The following PLCG2 variants were observed in gnomAD, a reference collection of about 807,000 sequenced individuals.
PLCG2 encodes the protein phospholipase C gamma 2.
Under a neutral mutation model 175.6 loss-of-function variants are expected in PLCG2, and 69 were observed. The observed-to-expected ratio is 0.39, with a 90% CI of 0.32 to 0.48. The LOEUF (loss-of-function observed/expected upper bound fraction) is 0.48. PLCG2 is among the 20% of genes least tolerant of loss of function. The pLI is 0.91. For missense variants in PLCG2, 1,798 were observed against 1,650.9 expected (o/e 1.09, Z -1.54); for synonymous variants, 827 against 624.0 (o/e 1.33, Z -4.85).
chr16:81,749,834 A>T (rs1400793589), intron 1 of PLCG2, among the ~76,000 whole-genome samples: 1 of 152,214 alleles, frequency 6.6e-6, no homozygotes, highest in Non-Finnish European at 1.5e-5. Context: ...ATGTCCAAAG[A>T]TGCATTGCTT....
At chr16:81,791,633 C>T (rs1378184184) in intron 2 of PLCG2, among the ~76,000 whole-genome samples, 4 of 152,200 alleles carry the variant, frequency 2.6e-5, no homozygotes, top group Admixed American at 1.3e-4. Context: ...GGTGCAGCCT[C>T]GGCTCACTGC....
intron 11 of PLCG2, 106 bp from the exon 12 acceptor site, chr16:81,893,603 G>C: frequency 1.4e-6 from 1 of 710,058 alleles, no homozygotes; most frequent in Non-Finnish European, 2.5e-6. Context: ...TCAGAGCTTT[G>C]GCGGCTCGGG....
Position 81,780,854 on chromosome 16 carries a change from C to T in PLCG2, c.-48+1430C>T, listed in dbSNP as rs113862797. Among the ~76,000 whole-genome samples the T allele has an allele frequency of 3.9e-5, 6 of 152,186 alleles. No homozygotes were observed. In the South Asian group the frequency reaches 1.2e-3, roughly 32 times the overall value. On this transcript the variant is annotated intron_variant, in intron 1 of 32. Transcript: ENST00000564138. ...CCAGCCTCACCAACATGGTGAAACC[C>T]CATCTCTACTAAAACTACAAAAATT... is the stretch of plus-strand genomic sequence containing the variant.
chr16:81,754,244 C>G (rs898148147), intron 1 of PLCG2, among the ~76,000 whole-genome samples: 6 of 150,252 alleles, frequency 4.0e-5, no homozygotes, highest in African/African-American at 1.5e-4. Flanking sequence ...TCCACCCATC[C>G]CCACCTCCTT....
At chr16:81,926,145 G>C (rs114459690) in intron 22 of PLCG2, among the ~76,000 whole-genome samples, 56 of 152,316 alleles carry the variant, frequency 3.7e-4, no homozygotes, top group African/African-American at 1.3e-3. Flanking sequence ...AGGCAGCATG[G>C]CAGGGGCATG....
chr16:81,868,288 C>G (rs1411254651), intron 5 of PLCG2, among the ~76,000 whole-genome samples: 1 of 150,708 alleles, frequency 6.6e-6, no homozygotes, highest in Non-Finnish European at 1.5e-5. Context: ...CTCATGTAGG[C>G]CTTGTTCCTT....
At chr16:81,907,864 T>G in intron 16 of PLCG2, 90 bp downstream of exon 16, 1 of 871,920 alleles carries the variant, frequency 1.1e-6, no homozygotes, top group Non-Finnish European at 1.9e-6. Flanking sequence ...ATGTGGCTTC[T>G]CTGGCCGGCT....
chr16:81,802,878 A>G (rs924435920), intron 2 of PLCG2, among the ~76,000 whole-genome samples: 19 of 152,196 alleles, frequency 1.2e-4, no homozygotes, highest in African/African-American at 4.1e-4. Flanking sequence ...AACATTGTAT[A>G]CCCTATAATG....
intron 2 of PLCG2, among the ~76,000 whole-genome samples, chr16:81,797,532 C>A (rs904894304): frequency 6.6e-6 from 1 of 152,228 alleles, no homozygotes; most frequent in Non-Finnish European, 1.5e-5. Flanking sequence ...GCCAGGGACC[C>A]TGTCTGTTCT....
chr16:81,748,129 C>T (rs1464839316), intron 1 of PLCG2, among the ~76,000 whole-genome samples: 2 of 152,212 alleles, frequency 1.3e-5, no homozygotes, highest in African/African-American at 4.8e-5. Context: ...CCCACCTCGA[C>T]CTCCCAAAGT....
intron 30 of PLCG2, among the ~76,000 whole-genome samples, chr16:81,942,728 C>T (rs745880344): frequency 6.6e-6 from 1 of 152,180 alleles, no homozygotes; most frequent in Non-Finnish European, 1.5e-5. Flanking sequence ...CTCAAGGTCA[C>T]ACACCTGTAG....
upstream of PLCG2, among the ~76,000 whole-genome samples, chr16:81,779,077 C>G: frequency 6.6e-6 from 1 of 152,244 alleles, no homozygotes. Flanking sequence ...GTAGCCTCCC[C>G]TCGGGTTGCC....
In PLCG2 at chr16:81,858,436, G is replaced by C. The variant is rs1247487862; in HGVS notation, c.431+80G>C. On this transcript the variant is annotated intron_variant, in intron 4 of 32. Coordinates refer to ENST00000564138, the MANE Select transcript of PLCG2 (RefSeq NM_002661.5). Reference sequence around the variant, plus strand: ...CCTTTAGCCAACATGGGCTACAGGGGGGAAAAAAAAAAAAAGGGACATTGG... The same window carrying C: ...CCTTTAGCCAACATGGGCTACAGGGCGGAAAAAAAAAAAAAGGGACATTGG... 16 of 975,992 alleles carry C rather than the reference G, an allele frequency of 1.6e-5. 1 individual carries two copies. Among genetic ancestry groups the C allele is most frequent in the Non-Finnish European group, 2.6e-5 (16 of 613,932 alleles). 60.5% of individuals were successfully genotyped at this position (975,992 alleles called of 1,614,324 possible).
chr16:81,861,996 G>C (rs1299404550), intron 5 of PLCG2, among the ~76,000 whole-genome samples: 1 of 152,222 alleles, frequency 6.6e-6, no homozygotes, highest in Non-Finnish European at 1.5e-5. Context: ...CCAGTGGGCA[G>C]AGCCCTGCTC....
At chr16:81,788,205 C>T (rs146540526) in intron 2 of PLCG2, among the ~76,000 whole-genome samples, 1 of 152,210 alleles carries the variant, frequency 6.6e-6, no homozygotes, top group East Asian at 1.9e-4. Flanking sequence ...GTGATCGTTG[C>T]ATTATTCTTC....
intron 5 of PLCG2, among the ~76,000 whole-genome samples, chr16:81,867,914 T>C (rs1345780456): frequency 6.6e-6 from 1 of 152,186 alleles, no homozygotes; most frequent in African/African-American, 2.4e-5. Context: ...TTAGCCAGGA[T>C]GGTCTCGATC....
chr16:81,856,991 C>G (rs1465735229), intron 3 of PLCG2, among the ~76,000 whole-genome samples: 1 of 152,168 alleles, frequency 6.6e-6, no homozygotes, highest in Non-Finnish European at 1.5e-5. Context: ...AGATTCTTCC[C>G]CAGAGCTTTC....
chr16:81,798,276 T>A (rs2143231545), intron 2 of PLCG2, among the ~76,000 whole-genome samples: 1 of 152,278 alleles, frequency 6.6e-6, no homozygotes, highest in Non-Finnish European at 1.5e-5. Context: ...GCCATATGTC[T>A]CCTCAGGCAG....
rs150451656 is a variant in PLCG2 at position 81,829,605 on chromosome 16, T to C, written c.194-24839T>C. Among the ~76,000 whole-genome samples, 3 of 152,258 alleles carry C rather than the reference T, an allele frequency of 2.0e-5. 1 individual carries two copies. The highest frequency in any genetic ancestry group is 4.8e-5 in the African/African-American group (2 of 41,474). On this transcript the variant is annotated intron_variant, in intron 2 of 32. Coordinates refer to ENST00000564138, the MANE Select transcript of PLCG2 (RefSeq NM_002661.5). ...TCGCTATCAAAGTTCCAGAATTTAT[T>C]TGGACTTTAACAGTTTCTCCTCGTA...
Sources: allele counts gnomAD v4.1 joint callset (sites outside exome capture counted in the v4.1 genomes callset), GRCh38; gene constraint gnomAD v4.1.1; transcripts MANE v1.5; gene names NCBI Gene and HGNC (gene_info 2026-07-23, HGNC 2026-07-21).